Variants in CDH9 observed in about 807,000 individuals in gnomAD.
The protein encoded by CDH9 is cadherin-9.
CDH9 carries 28 observed loss-of-function variants against 70.9 expected under a neutral mutation model. That is an observed-to-expected ratio of 0.40 (90% CI 0.29 to 0.54). The LOEUF (loss-of-function observed/expected upper bound fraction) is 0.54, where lower values mean the gene tolerates loss of function less well. Ranked by LOEUF, CDH9 falls within the 20% of genes least tolerant of loss-of-function variation. CDH9 has a pLI of 0.59. For missense variants in CDH9, 874 were observed against 984.4 expected (o/e 0.89, Z 1.50); for synonymous variants, 409 against 343.1 (o/e 1.19, Z -2.12).
chr5:26,916,968 T>C (rs1372196162), intron 2 of CDH9, among the ~76,000 whole-genome samples: 2 of 151,970 alleles, frequency 1.3e-5, no homozygotes, highest in Non-Finnish European at 2.9e-5. Context: ...CTTCTTTTCA[T>C]TGATAAATGT....
chr5:26,959,820 A>T (rs1230075133), intron 2 of CDH9, among the ~76,000 whole-genome samples: 1 of 152,022 alleles, frequency 6.6e-6, no homozygotes, highest in Non-Finnish European at 1.5e-5. Context: ...GAATAGGTAA[A>T]TACATTGTGG....
At chr5:26,903,006 T>C in intron 6 of CDH9, 1 of 300,894 alleles carries the variant, frequency 3.3e-6, no homozygotes, top group South Asian at 5.5e-5. Context: ...TGAAGTATTA[T>C]CTAATGGATT....
chr5:26,996,730 A>G (rs1461184471), intron 1 of CDH9, among the ~76,000 whole-genome samples: 2 of 151,456 alleles, frequency 1.3e-5, no homozygotes, highest in Non-Finnish European at 2.9e-5. Flanking sequence ...CTTAACATAT[A>G]TATCTATATC....
At chr5:27,001,585 A>G (rs536567488) in intron 1 of CDH9, among the ~76,000 whole-genome samples, 96 of 152,266 alleles carry the variant, frequency 6.3e-4, no homozygotes, top group African/African-American at 2.3e-3. Flanking sequence ...AAATATTTAT[A>G]GATATGTATA....
At chr5:26,976,520 T>A (rs1428086220) in intron 2 of CDH9, among the ~76,000 whole-genome samples, 1 of 152,030 alleles carries the variant, frequency 6.6e-6, no homozygotes, top group African/African-American at 2.4e-5. Flanking sequence ...TGACGGCAAC[T>A]TCTGCTTCCC....
intron 11 of CDH9, 52 bp from the exon 12 acceptor site, chr5:26,881,675 A>G (rs759653095): frequency 6.6e-7 from 1 of 1,505,834 alleles, no homozygotes; most frequent in Non-Finnish European, 8.9e-7. Flanking sequence ...AGGATAAAAT[A>G]GAGTACACTT....
rs372728755 is a variant in CDH9, at chr5:27,023,274, G to T, written c.-50+15189C>A. Among the ~76,000 whole-genome samples, 19 of 152,120 alleles carry T rather than the reference G, an allele frequency of 1.2e-4. 1 individual carries two copies. The East Asian group carries it at 3.7e-3, about 30-fold the overall frequency. On this transcript the variant is annotated intron_variant, in intron 1 of 11. Transcript: ENST00000231021. ...TACTGGAAGACAGAATAGACACTTT[G>T]CATAAATCAATTCTTTCTTCTTCAC...
chr5:26,960,259 A>G (rs1429504254), intron 2 of CDH9, among the ~76,000 whole-genome samples: 1 of 152,044 alleles, frequency 6.6e-6, no homozygotes, highest in Non-Finnish European at 1.5e-5. Flanking sequence ...TCATGTTCTA[A>G]GGATACATTA....
At chr5:27,026,144 T>C (rs1352080317) in intron 1 of CDH9, among the ~76,000 whole-genome samples, 1 of 151,962 alleles carries the variant, frequency 6.6e-6, no homozygotes, top group Non-Finnish European at 1.5e-5. Flanking sequence ...TATTGGAATA[T>C]CTTATTTAAT....
chr5:26,982,021 T>A (rs1742408241), intron 2 of CDH9, among the ~76,000 whole-genome samples: 1 of 152,092 alleles, frequency 6.6e-6, no homozygotes, highest in Non-Finnish European at 1.5e-5. Flanking sequence ...CTTCTGAAGA[T>A]AATGTCACTT....
At chr5:26,993,099 C>A (rs1198600202) in intron 1 of CDH9, among the ~76,000 whole-genome samples, 1 of 105,738 alleles carries the variant, frequency 9.5e-6, no homozygotes, top group African/African-American at 3.9e-5. Flanking sequence ...GAAACTCCGT[C>A]TCCAAAAAAA....
intron 3 of CDH9, 57 bp downstream of exon 3, chr5:26,915,573 A>C (rs768873576): frequency 2.0e-6 from 2 of 992,828 alleles, no homozygotes; most frequent in Non-Finnish European, 3.1e-6. Context: ...GTCAATAATA[A>C]TTACCTGAGC....
chr5:26,887,368 A>G (rs1740582805), intron 9 of CDH9, among the ~76,000 whole-genome samples: 1 of 151,542 alleles, frequency 6.6e-6, no homozygotes, highest in Non-Finnish European at 1.5e-5. Flanking sequence ...TTATTAGATG[A>G]GCTTTGTATA....
intron 2 of CDH9, among the ~76,000 whole-genome samples, chr5:26,980,770 A>G (rs1258034240): frequency 6.6e-6 from 1 of 151,832 alleles, no homozygotes; most frequent in Non-Finnish European, 1.5e-5. Context: ...AGTCAGAAGA[A>G]AAAATGTCTA....
In CDH9 at chr5:26,983,236, G is replaced by A. The variant is rs190522082; in HGVS notation, c.228+4870C>T. ...AAATATCATGTTGACTAGAACTCAG[G>A]TTACAAAGTTATGGGGACATAGAAC... is the stretch of plus-strand genomic sequence containing the variant. On this transcript the variant is annotated intron_variant, in intron 2 of 11. Transcript: ENST00000231021. Among the ~76,000 whole-genome samples, 512 of 152,212 alleles carry A rather than the reference G, an allele frequency of 3.4e-3. 1 individual carries two copies. The highest frequency in any genetic ancestry group is 5.7e-3 in the Non-Finnish European group (388 of 68,006).
chr5:26,988,467 C>A, intron 1 of CDH9, 85 bp from the exon 2 acceptor site: 3 of 1,210,726 alleles, frequency 2.5e-6, no homozygotes, highest in Non-Finnish European at 3.3e-6. Flanking sequence ...TTATTCCAGA[C>A]ATTATTTAAA....
intron 3 of CDH9, among the ~76,000 whole-genome samples, chr5:26,911,825 G>T (rs961839267): frequency 1.7e-4 from 26 of 152,012 alleles, no homozygotes; most frequent in Non-Finnish European, 3.5e-4. Flanking sequence ...GAGTTTATTG[G>T]AGTCATTTTA....
chr5:26,953,773 C>A (rs1741893609), intron 2 of CDH9, among the ~76,000 whole-genome samples: 1 of 152,068 alleles, frequency 6.6e-6, no homozygotes, highest in African/African-American at 2.4e-5. Flanking sequence ...CACTGTTGAC[C>A]ACCTGAATTA....
Position 27,025,951 on chromosome 5 carries a change from C to T in CDH9, c.-50+12512G>A, listed in dbSNP as rs932869313. On this transcript the variant is annotated intron_variant, in intron 1 of 11. Transcript: ENST00000231021. ...CTTACACTAAGTTCCCACTTCCTGC[C>T]TTAGCTTCAGTGAGTCTTTCACTTA... 2.6e-5 allele frequency among the ~76,000 whole-genome samples: 4 copies of T among 152,064 alleles called. No homozygotes were observed. In the East Asian group the frequency reaches 7.8e-4, roughly 30 times the overall value.
Sources: allele counts gnomAD v4.1 joint callset (sites outside exome capture counted in the v4.1 genomes callset), GRCh38; gene constraint gnomAD v4.1.1; transcripts MANE v1.5; gene names NCBI Gene and HGNC (gene_info 2026-07-23, HGNC 2026-07-21).